The following PALS2 variants were observed in gnomAD, a reference collection of about 807,000 sequenced individuals.
PALS2 encodes protein associated with LIN7 2, MAGUK p55 family member.
A neutral mutation model predicts 61.6 loss-of-function variants in PALS2; 27 were observed. The ratio of observed to expected loss-of-function variants is 0.44; its 90% CI spans 0.32 to 0.60. The LOEUF (loss-of-function observed/expected upper bound fraction) is 0.60. PALS2 is among the 20% of genes least tolerant of loss of function. The pLI, the probability that PALS2 is intolerant of heterozygous loss-of-function variation, is 0.05. For missense variants in PALS2, 554 were observed against 639.4 expected, an observed-to-expected ratio of 0.87 and a Z score of 1.44; for synonymous variants, 236 against 218.6, an observed-to-expected ratio of 1.08 and a Z score of -0.70.
intron 9 of PALS2, among the ~76,000 whole-genome samples, chr7:24,669,886 G>A (rs1410579863): frequency 1.3e-5 from 2 of 152,150 alleles, no homozygotes; most frequent in Non-Finnish European, 2.9e-5. Context: ...GTATGTTAAA[G>A]CTGCACTTGT....
At position 24,691,482 on chromosome 7, in the gene PALS2, G is replaced by A. The variant is rs184052757; in HGVS notation, c.*3868G>A. 2.7e-3 allele frequency: 378 copies of A among 140,028 alleles called. 3 individuals carry two copies. Among genetic ancestry groups the A allele is most frequent in the African/African-American group, 9.1e-3 (351 of 38,592 alleles). The allele number at this position is 140,028 out of a possible 1,614,324, so 8.7% of individuals were successfully genotyped here. A position where few individuals can be genotyped will look rare whatever the true frequency, so the allele number is the denominator to read the frequency against. ...ATAATATGTAAAATTCTCCCAAAAT[G>A]TATGAATATAAAACTGAATGTATTC... On this transcript the variant is annotated 3_prime_UTR_variant, in exon 12 of 12. Transcript: ENST00000222644.
At chr7:24,601,960 C>T (rs962422359) in intron 1 of PALS2, among the ~76,000 whole-genome samples, 1 of 152,070 alleles carries the variant, frequency 6.6e-6, no homozygotes, top group Non-Finnish European at 1.5e-5. Context: ...CAGCAACTTA[C>T]ATCTTTCATT....
At position 24,689,419 on chromosome 7, in the gene PALS2, C is replaced by T. The variant is rs1348328882; in HGVS notation, c.*1805C>T. The T allele has an allele frequency of 6.6e-6, 1 of 152,092 alleles. No homozygotes were observed. The highest frequency in any genetic ancestry group is 2.4e-5 in the African/African-American group (1 of 41,392). 9.4% of individuals were successfully genotyped at this position (152,092 alleles called of 1,614,324 possible). On this transcript the variant is annotated 3_prime_UTR_variant, in exon 12 of 12. Coordinates refer to ENST00000222644, the MANE Select transcript of PALS2 (RefSeq NM_001303037.2). ...CCTGGCTGCTGAATTTGTTTTTTCC[C>T]TCACCAAAGTTGTCATTTGGAACGC...
At position 24,599,697 on chromosome 7, in the gene PALS2, G is replaced by A. The variant is rs923940615; in HGVS notation, c.-2-23969G>A. On this transcript the variant is annotated intron_variant, in intron 1 of 11. Transcript: ENST00000222644. ...TTTTTGTATTTTTAGTAGAGTCGAG[G>A]TTTCATCATGTTGGCCAGGCTGGTC... Among the ~76,000 whole-genome samples, 8 of 151,288 alleles carry A rather than the reference G, an allele frequency of 5.3e-5. No individual in the cohort carries two copies. The South Asian group carries it at 1.7e-3, about 32-fold the overall frequency.
chr7:24,623,480 C>A (rs1299165343), intron 1 of PALS2, among the ~76,000 whole-genome samples, 186 bp from the exon 2 acceptor site: 1 of 151,956 alleles, frequency 6.6e-6, no homozygotes. Context: ...GCTATTAATT[C>A]CTGGGAAGTC....
chr7:24,673,355 A>G (rs1787397592), intron 9 of PALS2, among the ~76,000 whole-genome samples: 1 of 152,160 alleles, frequency 6.6e-6, no homozygotes, highest in Non-Finnish European at 1.5e-5. Flanking sequence ...ATTGGTCTAT[A>G]CATCTCATTA....
rs1375506642 is a variant in PALS2 at position 24,687,288 on chromosome 7, C to CT, written c.1447-147dup. 6.7e-6 allele frequency: 4 copies of CT among 595,646 alleles called. No homozygotes were observed. In the African/African-American group the frequency reaches 7.7e-5, roughly 11 times the overall value. 36.9% of individuals were successfully genotyped at this position (595,646 alleles called of 1,614,324 possible). On this transcript the variant is annotated intron_variant, in intron 11 of 11. Coordinates refer to ENST00000222644, the MANE Select transcript of PALS2 (RefSeq NM_001303037.2). This position sits in a 1 kb window ranked among gnomAD's most constrained non-coding sequence, Gnocchi z 4.5. The stretch of plus-strand genomic sequence containing the variant: ...AGACATGAACAGATGGCAGTGTTGT[C>CT]TTTAACACTATATGGATTAGATTTT...
At chr7:24,626,273 A>G (rs1181228287) in intron 2 of PALS2, among the ~76,000 whole-genome samples, 1 of 152,194 alleles carries the variant, frequency 6.6e-6, no homozygotes, top group East Asian at 1.9e-4. Context: ...AAGATAGGTT[A>G]TTAGAAAATA....
At chr7:24,672,163 T>A (rs1223567350) in intron 9 of PALS2, among the ~76,000 whole-genome samples, 1 of 151,204 alleles carries the variant, frequency 6.6e-6, no homozygotes, top group Non-Finnish European at 1.5e-5. Flanking sequence ...TATATAGAAA[T>A]GCCAGTAACT....
At chr7:24,645,841 T>G in intron 3 of PALS2, among the ~76,000 whole-genome samples, 1 of 152,212 alleles carries the variant, frequency 6.6e-6, no homozygotes, top group African/African-American at 2.4e-5. Flanking sequence ...ACCTCCCTGG[T>G]TAGCTATGTT....
At chr7:24,638,086 C>T (rs181021611) in intron 2 of PALS2, among the ~76,000 whole-genome samples, 1 of 150,980 alleles carries the variant, frequency 6.6e-6, no homozygotes, top group African/African-American at 2.4e-5. Context: ...TGGTACTTGC[C>T]TCTTGAAAGC....
At position 24,596,771 on chromosome 7, in the gene PALS2, A is replaced by G. The variant is rs574581630; in HGVS notation, c.-3+23178A>G. Among the ~76,000 whole-genome samples the G allele has an allele frequency of 1.2e-4, 18 of 152,284 alleles. No individual in the cohort carries two copies. The South Asian group carries it at 3.7e-3, about 32-fold the overall frequency. On this transcript the variant is annotated intron_variant, in intron 1 of 11. Coordinates refer to ENST00000222644, the MANE Select transcript of PALS2 (RefSeq NM_001303037.2). This position sits in a 1 kb window ranked among gnomAD's most constrained non-coding sequence, Gnocchi z 4.5. The stretch of plus-strand genomic sequence containing the variant: ...GTGTGAGCACTACACTTTAACAAGG[A>G]TATTTCTGGACATAGTAGGAAGCAT...
At chr7:24,616,981 A>G (rs553893443) in intron 1 of PALS2, among the ~76,000 whole-genome samples, 35 of 152,240 alleles carry the variant, frequency 2.3e-4, no homozygotes, top group African/African-American at 7.7e-4. Flanking sequence ...GTTTTTTACA[A>G]CTAGCTCATT....
rs775018348 is a variant in PALS2 at position 24,624,104 on chromosome 7, T to C, written c.117+320T>C. The C allele has an allele frequency of 6.3e-5, 83 of 1,317,612 alleles. 1 individual carries two copies. Among genetic ancestry groups the C allele is most frequent in the Non-Finnish European group, 7.8e-5 (78 of 997,456 alleles). 81.6% of individuals were successfully genotyped at this position (1,317,612 alleles called of 1,614,324 possible). ...CTGATCCTATTTCCATTTTCAACAATGGCAAAGTACTGATTTTCTTCTTTT... is the reference window on the plus strand; with the variant it reads ...CTGATCCTATTTCCATTTTCAACAACGGCAAAGTACTGATTTTCTTCTTTT... On this transcript the variant is annotated intron_variant, in intron 2 of 11. Coordinates refer to ENST00000222644, the MANE Select transcript of PALS2 (RefSeq NM_001303037.2).
chr7:24,593,818 C>T (rs575449442), intron 1 of PALS2, among the ~76,000 whole-genome samples: 20 of 152,120 alleles, frequency 1.3e-4, no homozygotes, highest in African/African-American at 4.8e-4. Flanking sequence ...GTAGATTTAG[C>T]ATAATTTTTA....
At chr7:24,684,202 C>T (rs763120029) in intron 11 of PALS2, among the ~76,000 whole-genome samples, 59 of 152,074 alleles carry the variant, frequency 3.9e-4, no homozygotes, top group Non-Finnish European at 7.9e-4. Flanking sequence ...CAGGTTCAAG[C>T]GATTCTCCTG....
rs377298427 is a variant in PALS2 at position 24,667,582 on chromosome 7, G to A, written c.953-917G>A. 4.0e-5 allele frequency among the ~76,000 whole-genome samples: 6 copies of A among 150,488 alleles called. 1 individual carries two copies. In the South Asian group the frequency reaches 6.4e-4, roughly 16 times the overall value. ...ATTAAAGGATTTTTACTGGCAAATT[G>A]ATAATAAGTTTCAGTGGATAGAATC... On this transcript the variant is annotated intron_variant, in intron 8 of 11. Transcript: ENST00000222644.
intron 1 of PALS2, among the ~76,000 whole-genome samples, chr7:24,617,497 A>G (rs1304216691): frequency 6.6e-6 from 1 of 152,254 alleles, no homozygotes; most frequent in African/African-American, 2.4e-5. Flanking sequence ...CACATATGGT[A>G]GAAAAGTTGC....
At chr7:24,627,694 G>A (rs759598433) in intron 2 of PALS2, among the ~76,000 whole-genome samples, 96 of 152,130 alleles carry the variant, frequency 6.3e-4, no homozygotes, top group African/African-American at 2.2e-3. Context: ...TACCATCACT[G>A]ATCCCGCAGA....
Sources: gnomAD v4.1 joint callset for allele counts (sites outside exome capture counted in the v4.1 genomes callset) on GRCh38, gnomAD v4.1.1 for gene constraint, Gnocchi (gnomAD v3.1) non-coding constraint, MANE v1.5 for transcripts, NCBI Gene and HGNC (gene_info 2026-07-23, HGNC 2026-07-21) for gene names.